ARPP21: variants seen among roughly 807,000 people sequenced by gnomAD.
ARPP21 encodes cAMP regulated phosphoprotein 21, also known as cAMP-regulated phosphoprotein 21.
Under a neutral mutation model 113.2 loss-of-function variants are expected in ARPP21, and 69 were observed. The ratio of observed to expected loss-of-function variants is 0.61; its 90% CI spans 0.50 to 0.74. ARPP21 has a LOEUF of 0.74. Among genes scored for constraint, ARPP21 ranks in the 30% least tolerant of loss-of-function variants. The pLI, the probability that ARPP21 is intolerant of heterozygous loss-of-function variation, is 0.00. For synonymous variants in ARPP21, 368 were observed against 375.5 expected, an observed-to-expected ratio of 0.98 and a Z score of 0.23; for missense variants, 1,070 against 1,037.4, an observed-to-expected ratio of 1.03 and a Z score of -0.43.
At chr3:35,684,701 A>T in intron 5 of ARPP21, 1 of 984,816 alleles carries the variant, frequency 1.0e-6, no homozygotes. Context: ...ACTTTAATTG[A>T]AATACTCTGA....
At chr3:35,700,315 A>C (rs1432683230) in intron 9 of ARPP21, among the ~76,000 whole-genome samples, 1 of 151,830 alleles carries the variant, frequency 6.6e-6, no homozygotes, top group Non-Finnish European at 1.5e-5. Context: ...TGTATGCTTT[A>C]AACTATTTTA....
chr3:35,778,411 GAGCC>G (rs142143226), intron 19 of ARPP21, among the ~76,000 whole-genome samples: 2 of 152,274 alleles, frequency 1.3e-5, no homozygotes, highest in African/African-American at 2.4e-5. Context: ...GGCAGAGGGA[GAGCC>G]AGCGAGCAGT....
intron 19 of ARPP21, among the ~76,000 whole-genome samples, chr3:35,759,668 TTCTC>T (rs66771543): frequency 0.045 from 6,198 of 138,542 alleles, 185 homozygotes; most frequent in Non-Finnish European, 0.075. Flanking sequence ...TCCTTTCATT[TTCTC>T]TCTCTGTGTG....
At chr3:35,668,842 C>G (rs1052689197) in intron 1 of ARPP21, among the ~76,000 whole-genome samples, 4 of 152,068 alleles carry the variant, frequency 2.6e-5, no homozygotes, top group Non-Finnish European at 5.9e-5. Context: ...TTCTTTATAT[C>G]TTATTTCCAC....
intron 5 of ARPP21, chr3:35,684,435 G>A: frequency 1.0e-6 from 1 of 976,080 alleles, no homozygotes; most frequent in Non-Finnish European, 1.2e-6. Flanking sequence ...AAGATTAGTA[G>A]GTTATAAAAA....
intron 1 of ARPP21, among the ~76,000 whole-genome samples, chr3:35,669,885 A>G (rs934151517): frequency 9.2e-5 from 14 of 152,120 alleles, no homozygotes; most frequent in Admixed American, 1.3e-4. Flanking sequence ...CTTCATCAAC[A>G]GGACTCCCCA....
chr3:35,766,977 A>G (rs2096003935), intron 19 of ARPP21, among the ~76,000 whole-genome samples: 1 of 152,130 alleles, frequency 6.6e-6, no homozygotes. Flanking sequence ...TAATGGTGTG[A>G]GCATTAAATG....
intron 19 of ARPP21, among the ~76,000 whole-genome samples, chr3:35,770,414 G>A (rs961987575): frequency 2.0e-5 from 3 of 152,192 alleles, no homozygotes; most frequent in African/African-American, 7.2e-5. Context: ...AGCTCAGGCT[G>A]CCTCCAATCT....
chr3:35,662,016 A>G (rs1366124924), intron 1 of ARPP21, among the ~76,000 whole-genome samples: 1 of 152,152 alleles, frequency 6.6e-6, no homozygotes, highest in East Asian at 1.9e-4. Flanking sequence ...GGTGTTCACA[A>G]GTAGACATAC....
chr3:35,788,061 G>A (rs2151859658), intron 19 of ARPP21, among the ~76,000 whole-genome samples: 1 of 152,246 alleles, frequency 6.6e-6, no homozygotes, highest in South Asian at 2.1e-4. Context: ...AATATAGCTA[G>A]TTTATAATGG....
intron 19 of ARPP21, among the ~76,000 whole-genome samples, chr3:35,755,942 A>G (rs530522509): frequency 1.3e-4 from 20 of 152,234 alleles, no homozygotes; most frequent in African/African-American, 4.3e-4. Context: ...ATAAGACACT[A>G]TCTCAGAAGT....
At chr3:35,787,370 TC>T (rs1258705103) in intron 19 of ARPP21, among the ~76,000 whole-genome samples, 1 of 152,196 alleles carries the variant, frequency 6.6e-6, no homozygotes, top group East Asian at 1.9e-4. Context: ...TAAGATTATT[TC>T]GAGAAAACAA....
At chr3:35,665,534 T>C (rs2074138117) in intron 1 of ARPP21, among the ~76,000 whole-genome samples, 1 of 152,190 alleles carries the variant, frequency 6.6e-6, no homozygotes, top group Non-Finnish European at 1.5e-5. Context: ...AGTTAATAGG[T>C]CTTTTCAAAT....
At chr3:35,681,290 CT>C (rs1294254794) in intron 2 of ARPP21, 2 of 154,106 alleles carry the variant, frequency 1.3e-5, no homozygotes, top group Non-Finnish European at 2.9e-5. Flanking sequence ...TGTTTGGAAC[CT>C]GCAAATAATT....
chr3:35,793,740 T>C lies in ARPP21; in HGVS notation c.2326T>C (p.Ser776Pro), dbSNP rs2096793211. The C allele has an allele frequency of 1.2e-6, 2 of 1,613,846 alleles. No homozygotes were observed. The highest frequency in any genetic ancestry group is 1.7e-6 in the Non-Finnish European group (2 of 1,179,744). Residue 776 changes from serine (S) to proline (P), a missense_variant, in exon 21 of 21, where the codon TCA becomes CCA. By Grantham distance (74) the Ser-to-Pro change is moderately conservative (BLOSUM62 -1). Coordinates refer to ENST00000684406, the MANE Select transcript of ARPP21 (RefSeq NM_001385562.1). ...GGGTTCTCAAGGACTGCCCCAGCAG[T>C]CATACCAACAGCCAATCATGCTACC... ...TQGSQGLPQQ[S>P]YQQPIMLPNQ...
chr3:35,781,238 T>C (rs1057202865), intron 19 of ARPP21, among the ~76,000 whole-genome samples: 1 of 152,216 alleles, frequency 6.6e-6, no homozygotes, highest in Non-Finnish European at 1.5e-5. Context: ...TATAAAGCAC[T>C]TTTAATCATG....
At chr3:35,698,844 T>A (rs2085099113) in intron 9 of ARPP21, among the ~76,000 whole-genome samples, 1 of 151,580 alleles carries the variant, frequency 6.6e-6, no homozygotes, top group African/African-American at 2.4e-5. Context: ...CGGTACTAAG[T>A]TAGATGGTAA....
At chr3:35,688,512 C>A (rs1022108887) in intron 6 of ARPP21, among the ~76,000 whole-genome samples, 3 of 151,548 alleles carry the variant, frequency 2.0e-5, no homozygotes, top group African/African-American at 7.3e-5. Context: ...TTTGCCATAC[C>A]TATCATGGTA....
chr3:35,659,410 T>G (rs1706600601), intron 1 of ARPP21, among the ~76,000 whole-genome samples: 2 of 152,180 alleles, frequency 1.3e-5, no homozygotes, highest in Admixed American at 1.3e-4. Context: ...TACACCTTTC[T>G]GGGTTTAGAT....
Sources: gnomAD v4.1 joint callset for allele counts (sites outside exome capture counted in the v4.1 genomes callset) on GRCh38, gnomAD v4.1.1 for gene constraint, MANE v1.5 for transcripts, NCBI Gene and HGNC (gene_info 2026-07-23, HGNC 2026-07-21) for gene names.